The following CPB1 variants were observed in gnomAD, a reference collection of about 807,000 sequenced individuals.
CPB1 encodes the protein carboxypeptidase B1.
In CPB1, 53 loss-of-function variants were observed where a neutral mutation model predicts 51.4. The observed-to-expected ratio is 1.03, with a 90% CI of 0.83 to 1.30. The LOEUF (loss-of-function observed/expected upper bound fraction) is 1.30. Among genes scored for constraint, CPB1 ranks in the 50% most tolerant of loss-of-function variants. The pLI, the probability that CPB1 is intolerant of heterozygous loss-of-function variation, is 0.00. For missense variants in CPB1, 494 were observed against 516.2 expected (o/e 0.96, Z 0.42); for synonymous variants, 189 against 186.9 (o/e 1.01, Z -0.09).
chr3:148,837,857 T>C (rs1043696764), intron 3 of CPB1, among the ~76,000 whole-genome samples: 3 of 152,120 alleles, frequency 2.0e-5, no homozygotes, highest in Admixed American at 6.5e-5. Context: ...TGGATATTGA[T>C]GAAAATGTTT....
rs762049534 is a variant in CPB1, at chr3:148,833,968, T to C, written c.148-530T>C. ...TCCAGCCACAGTGTCAATATACCCA[T>C]TGTGAAAAGATGCCATTTTTCTTCC... On this transcript the variant is annotated intron_variant, in intron 2 of 10. Coordinates refer to ENST00000282957, the MANE Select transcript of CPB1 (RefSeq NM_001871.3). 5.9e-4 allele frequency among the ~76,000 whole-genome samples: 89 copies of C among 151,792 alleles called. 1 individual carries two copies. The highest frequency in any genetic ancestry group is 1.1e-3 in the Non-Finnish European group (77 of 67,898).
At chr3:148,828,128 C>T in intron 2 of CPB1, 51 bp downstream of exon 2, 1 of 1,357,822 alleles carries the variant, frequency 7.4e-7, no homozygotes, top group Non-Finnish European at 1.0e-6. Context: ...TCTTAGATCG[C>T]ACTGTGATTC....
Position 148,834,481 on chromosome 3 carries a change from T to C in CPB1, c.148-17T>C. 6.2e-7 allele frequency: 1 copy of C among 1,610,900 alleles called. No homozygotes were observed. The highest frequency in any genetic ancestry group is 8.5e-7 in the Non-Finnish European group (1 of 1,177,164). ...CATTGAATTATAGGTATCCAATATA[T>C]CTTGTCCTTTATTCAGATTGACTTC... is the stretch of plus-strand genomic sequence containing the variant. On this transcript the variant is annotated splice_polypyrimidine_tract_variant and intron_variant, in intron 2 of 10. Coordinates refer to ENST00000282957, the MANE Select transcript of CPB1 (RefSeq NM_001871.3).
chr3:148,832,299 A>G (rs1441823648), intron 2 of CPB1, among the ~76,000 whole-genome samples: 1 of 152,166 alleles, frequency 6.6e-6, no homozygotes, highest in Non-Finnish European at 1.5e-5. Context: ...TTAATATTAG[A>G]AAGAAAACCA....
Position 148,840,892 on chromosome 3 carries a change from C to A in CPB1, c.391C>A (p.Gln131Lys). The A allele has an allele frequency of 6.2e-7, 1 of 1,614,138 alleles. No homozygotes were observed. The highest frequency in any genetic ancestry group is 8.5e-7 in the Non-Finnish European group (1 of 1,179,996). Reference protein sequence around the residue: ...KWETIEAWTQQVATENPALIS... With the variant: ...KWETIEAWTQKVATENPALIS... ...TTGGTAGATAGAGGCTTGGACTCAACAAGTCGCCACTGAGAATCCAGCCCT... is the reference window on the plus strand; with the variant it reads ...TTGGTAGATAGAGGCTTGGACTCAAAAAGTCGCCACTGAGAATCCAGCCCT... Residue 131 changes from glutamine (Q) to lysine (K), a missense_variant, in exon 5 of 11, where the codon CAA becomes AAA. Transcript: ENST00000282957.
At chr3:148,845,279 A>G in intron 8 of CPB1, 145 bp from the exon 9 acceptor site, 1 of 614,642 alleles carries the variant, frequency 1.6e-6, no homozygotes, top group Non-Finnish European at 2.8e-6. Flanking sequence ...ATATTTTACT[A>G]TATAATATAT....
In CPB1 at chr3:148,834,553, A is replaced by T. The variant is rs1326320803; in HGVS notation, c.203A>T (p.Asp68Val). The change falls in exon 3 of 11, where the codon GAC becomes GTC. Residue 68 changes from aspartate (D) to valine (V), a missense_variant. Transcript: ENST00000282957. ...VTQIKPHSTV[D>V]FRVKAEDTVT... is the part of the protein sequence containing the mutation. ...CAAATCAAACCTCACAGTACAGTTG[A>T]CTTCCGTGTTAAAGCAGAAGATACT... 3 of 1,613,454 alleles carry T rather than the reference A, an allele frequency of 1.9e-6. No homozygotes were observed. The African/African-American group carries it at 4.0e-5, about 21-fold the overall frequency.
intron 9 of CPB1, among the ~76,000 whole-genome samples, chr3:148,846,572 G>T (rs1021733727): frequency 2.0e-5 from 3 of 150,734 alleles, no homozygotes; most frequent in African/African-American, 7.3e-5. Flanking sequence ...TCAGTCTTTC[G>T]GAGACCAAAT....
At chr3:148,834,146 C>T (rs1388236024) in intron 2 of CPB1, among the ~76,000 whole-genome samples, 4 of 152,152 alleles carry the variant, frequency 2.6e-5, no homozygotes, top group Non-Finnish European at 5.9e-5. Flanking sequence ...ATTCATCTGG[C>T]ACATAGATCC....
At position 148,859,959 on chromosome 3, in the gene CPB1, CA is replaced by C; in HGVS notation, c.1213del (p.Ile405SerfsTer15). 2 of 1,614,148 alleles carry C rather than the reference CA, an allele frequency of 1.2e-6. No individual in the cohort carries two copies. The highest frequency in any genetic ancestry group is 2.2e-5 in the South Asian group (2 of 91,078). ...GCTACCTGCGAGGAGACCTTCCTGG[CA>C]ATCAAGTATGTTGCCAGCTACGTCC... is the stretch of plus-strand genomic sequence containing the variant. ...IRATCEETFL[A>X]IKYVASYVLE... is the part of the protein sequence containing the mutation. On this transcript the variant is annotated frameshift_variant, in exon 11 of 11. Transcript: ENST00000282957. LOFTEE classifies it high-confidence loss of function.
intron 2 of CPB1, among the ~76,000 whole-genome samples, chr3:148,831,768 C>T (rs568554344): frequency 4.3e-4 from 66 of 152,206 alleles, no homozygotes; most frequent in Non-Finnish European, 6.9e-4. Flanking sequence ...TAGTTTAATT[C>T]CCTACATCTA....
Position 148,840,975 on chromosome 3 carries a change from G to A in CPB1, c.474G>A (p.Lys158=). The A allele has an allele frequency of 6.2e-7, 1 of 1,612,982 alleles. No homozygotes were observed. Among genetic ancestry groups the A allele is most frequent in the Non-Finnish European group, 8.5e-7 (1 of 1,179,190 alleles). The change falls in exon 5 of 11, where the codon AAG becomes AAA. Residue 158 remains lysine (K), a splice_region_variant and synonymous_variant. Transcript: ENST00000282957. ...AGGGACGCGCTATTTACCTCCTGAA[G>A]GTAATCATTTTTAACCATGACCTTG... ...TFEGRAIYLL[K]VGKAGQNKPA...
chr3:148,860,169 A>C lies in CPB1; in HGVS notation c.*167A>C, dbSNP rs1713710989. The C allele has an allele frequency of 3.2e-6, 2 of 630,862 alleles. No homozygotes were observed. The highest frequency in any genetic ancestry group is 5.3e-6 in the Non-Finnish European group (2 of 374,050). 39.1% of individuals were successfully genotyped at this position (630,862 alleles called of 1,614,324 possible). ...TTTCGTATTGATCATAATAAAAGTG[A>C]ATCATTACTATTGGAAAACTTGACA... On this transcript the variant is annotated 3_prime_UTR_variant, in exon 11 of 11. Coordinates refer to ENST00000282957, the MANE Select transcript of CPB1 (RefSeq NM_001871.3).
chr3:148,828,744 C>T (rs772279390), intron 2 of CPB1, among the ~76,000 whole-genome samples: 1 of 152,098 alleles, frequency 6.6e-6, no homozygotes, highest in African/African-American at 2.4e-5. Flanking sequence ...GGGCCAATGC[C>T]GTTTCTTCAT....
At chr3:148,834,051 A>C (rs1712820300) in intron 2 of CPB1, among the ~76,000 whole-genome samples, 1 of 152,216 alleles carries the variant, frequency 6.6e-6, no homozygotes, top group Non-Finnish European at 1.5e-5. Flanking sequence ...TGTGACTTCC[A>C]AGATAAACTC....
chr3:148,858,850 A>G (rs952331692), intron 10 of CPB1, among the ~76,000 whole-genome samples: 1 of 152,192 alleles, frequency 6.6e-6, no homozygotes, highest in Non-Finnish European at 1.5e-5. Flanking sequence ...TGAGGTTGGA[A>G]AGAAATTGAA....
chr3:148,855,128 T>C (rs190166385), intron 9 of CPB1: 188 of 152,280 alleles, frequency 1.2e-3, no homozygotes, highest in Middle Eastern at 0.01. Flanking sequence ...CAACTGTTTT[T>C]GCCAAAAGAG....
At chr3:148,845,664 G>T in intron 9 of CPB1, 38 bp downstream of exon 9, 1 of 1,485,706 alleles carries the variant, frequency 6.7e-7, no homozygotes, top group Non-Finnish European at 9.3e-7. Context: ...TTTTACTATT[G>T]AGATTTTTTA....
At chr3:148,854,900 A>G (rs1204938367) in intron 9 of CPB1, 1 of 152,328 alleles carries the variant, frequency 6.6e-6, no homozygotes, top group East Asian at 1.9e-4. Flanking sequence ...AGAAGATAAC[A>G]CTAAAACTGA....
Sources: gnomAD v4.1 joint callset for allele counts (sites outside exome capture counted in the v4.1 genomes callset) on GRCh38, gnomAD v4.1.1 for gene constraint, MANE v1.5 for transcripts, NCBI Gene and HGNC (gene_info 2026-07-23, HGNC 2026-07-21) for gene names.